The following KIF5B variants were observed in gnomAD, a reference collection of about 807,000 sequenced individuals.
KIF5B encodes the protein kinesin-1 heavy chain.
A neutral mutation model predicts 132.8 loss-of-function variants in KIF5B; 49 were observed. The ratio of observed to expected loss-of-function variants is 0.37; its 90% CI spans 0.29 to 0.47. KIF5B has a LOEUF of 0.47. Ranked by LOEUF, KIF5B falls within the 20% of genes least tolerant of loss-of-function variation. KIF5B has a pLI of 1.00. For missense variants in KIF5B, 780 were observed against 1,144.0 expected (o/e 0.68, Z 4.59); for synonymous variants, 355 against 369.4 (o/e 0.96, Z 0.45).
At position 32,010,998 on chromosome 10, in the gene KIF5B, T is replaced by C. The variant is rs939466058; in HGVS notation, c.*539A>G. ...ATCATCATTTCAAGGGATTTTAAAA[T>C]ACAGTACTGACTGGATATATTTTAT... On this transcript the variant is annotated 3_prime_UTR_variant, in exon 26 of 26. Transcript: ENST00000302418. The C allele has an allele frequency of 2.0e-5, 3 of 152,114 alleles. No homozygotes were observed. The highest frequency in any genetic ancestry group is 4.8e-5 in the African/African-American group (2 of 41,428). 9.4% of individuals were successfully genotyped at this position (152,114 alleles called of 1,614,324 possible). A position where few individuals can be genotyped will look rare whatever the true frequency, so the allele number is the denominator to read the frequency against.
chr10:32,049,985 T>C (rs1195754945), intron 1 of KIF5B, among the ~76,000 whole-genome samples: 2 of 152,066 alleles, frequency 1.3e-5, no homozygotes, highest in African/African-American at 2.4e-5. Flanking sequence ...GCAGGAACAA[T>C]TTTAATAATC....
intron 12 of KIF5B, among the ~76,000 whole-genome samples, chr10:32,033,142 A>T (rs965885632): frequency 6.6e-6 from 1 of 152,294 alleles, no homozygotes; most frequent in African/African-American, 2.4e-5. Flanking sequence ...AAGCAGGAAG[A>T]TATTATTTCC....
intron 13 of KIF5B, 130 bp downstream of exon 13, chr10:32,032,576 T>C (rs1445380910): frequency 4.2e-6 from 3 of 714,586 alleles, no homozygotes; most frequent in Non-Finnish European, 2.5e-6. Context: ...ACTTTATCCA[T>C]GTGACATTCT....
intron 15 of KIF5B, among the ~76,000 whole-genome samples, chr10:32,026,791 T>C (rs758442748): frequency 6.6e-6 from 1 of 152,216 alleles, no homozygotes; most frequent in Non-Finnish European, 1.5e-5. Context: ...TGTTCTGCGA[T>C]ATGAAATAAA....
intron 23 of KIF5B, among the ~76,000 whole-genome samples, 158 bp from the exon 24 acceptor site, chr10:32,017,517 T>C (rs1346142621): frequency 6.6e-6 from 1 of 152,278 alleles, no homozygotes; most frequent in African/African-American, 2.4e-5. Flanking sequence ...TACATCCATC[T>C]ATACATAGCG....
chr10:32,021,877 CAGG>C (rs1032945718), intron 17 of KIF5B, among the ~76,000 whole-genome samples: 1 of 152,018 alleles, frequency 6.6e-6, no homozygotes, highest in African/African-American at 2.4e-5. Flanking sequence ...GAGGCTGCAG[CAGG>C]AGAATCACTG....
At chr10:32,055,351 T>C (rs189932193) in intron 1 of KIF5B, among the ~76,000 whole-genome samples, 49 of 152,304 alleles carry the variant, frequency 3.2e-4, no homozygotes, top group Non-Finnish European at 5.1e-4. Context: ...AGGGAAACAA[T>C]ACGGTTCAAG....
rs1296239943 is a variant in KIF5B at position 32,056,278 on chromosome 10, C to T, written c.-305G>A. Reference sequence around the variant, plus strand: ...CCCCCTTTACGGTCTGGGCGGACTGCGGGGGCTGGGGAGGTTCTGGGGACC... The same window carrying T: ...CCCCCTTTACGGTCTGGGCGGACTGTGGGGGCTGGGGAGGTTCTGGGGACC... On this transcript the variant is annotated 5_prime_UTR_variant, in exon 1 of 26. Coordinates refer to ENST00000302418, the MANE Select transcript of KIF5B (RefSeq NM_004521.3). 7.5e-5 allele frequency: 26 copies of T among 344,552 alleles called. No homozygotes were observed. Among genetic ancestry groups the T allele is most frequent in the Non-Finnish European group, 1.3e-4 (25 of 187,892 alleles). The allele number at this position is 344,552 out of a possible 1,614,324, so 21.3% of individuals were successfully genotyped here.
Position 32,055,869 on chromosome 10 carries a change from T to C in KIF5B, c.105A>G (p.Gly35=), listed in dbSNP as rs757219106. 16 of 1,612,776 alleles carry C rather than the reference T, an allele frequency of 9.9e-6. No homozygotes were observed. Among genetic ancestry groups the C allele is most frequent in the Non-Finnish European group, 1.3e-5 (15 of 1,179,854 alleles). Residue 35 remains glycine (G), a synonymous_variant, in exon 1 of 26, where the codon GGA becomes GGG. Coordinates refer to ENST00000302418, the MANE Select transcript of KIF5B (RefSeq NM_004521.3). ...RGDKYIAKFQ[G]EDTVVIASKP... ...TCACCGCGATCACGACCGTGTCTTC[T>C]CCCTGAAACTTGGCGATGTACTTGT...
intron 12 of KIF5B, 26 bp from the exon 13 acceptor site, chr10:32,032,800 C>A: frequency 1.3e-6 from 2 of 1,584,866 alleles, no homozygotes; most frequent in Non-Finnish European, 1.7e-6. Flanking sequence ...ATCCGGTTAA[C>A]CAGTAGCTAA....
In KIF5B at chr10:32,031,247, A is replaced by G. The variant is rs772373155; in HGVS notation, c.1407T>C (p.Asn469=). 3 of 1,613,962 alleles carry G rather than the reference A, an allele frequency of 1.9e-6. No individual in the cohort carries two copies. The highest frequency in any genetic ancestry group is 2.2e-5 in the South Asian group (2 of 91,084). The part of the protein sequence containing the change: ...LLASTRRDQD[N]MQAELNRLQA... The stretch of plus-strand genomic sequence containing the variant: ...GAAGGCGATTCAGCTCAGCTTGCAT[A>G]TTGTCTTGATCCCTTCTGGTAGATG... Residue 469 remains asparagine, a synonymous_variant, in exon 14 of 26, where the codon AAT becomes AAC. Coordinates refer to ENST00000302418, the MANE Select transcript of KIF5B (RefSeq NM_004521.3).
At chr10:32,031,423 A>C in intron 13 of KIF5B, 144 bp from the exon 14 acceptor site, 4 of 661,996 alleles carry the variant, frequency 6.0e-6, no homozygotes, top group Non-Finnish European at 1.0e-5. Context: ...AAACAGATTT[A>C]CTAAATGTCA....
At chr10:32,021,607 A>C (rs551157109) in intron 17 of KIF5B, among the ~76,000 whole-genome samples, 81 of 148,338 alleles carry the variant, frequency 5.5e-4, no homozygotes, top group African/African-American at 1.5e-3. Flanking sequence ...ACACACACAC[A>C]CCCCGCTTCG....
intron 3 of KIF5B, 120 bp from the exon 4 acceptor site, chr10:32,039,551 G>A: frequency 1.7e-6 from 1 of 590,892 alleles, no homozygotes; most frequent in Non-Finnish European, 3.0e-6. Flanking sequence ...TGTGGAAACG[G>A]CTCTGTAAAT....
chr10:32,018,584 TA>T (rs1159690697), intron 20 of KIF5B, 22 bp from the exon 21 acceptor site: 1 of 1,530,696 alleles, frequency 6.5e-7, no homozygotes, highest in Non-Finnish European at 8.8e-7. Context: ...AGAACAAACA[TA>T]TATTTTCAAA....
At chr10:32,039,535 T>C (rs1841505208) in intron 3 of KIF5B, 104 bp from the exon 4 acceptor site, 2 of 635,200 alleles carry the variant, frequency 3.1e-6, no homozygotes, top group Non-Finnish European at 5.4e-6. Flanking sequence ...ACAGGAACTA[T>C]ATTTTTGTGG....
intron 14 of KIF5B, among the ~76,000 whole-genome samples, chr10:32,029,915 G>GT (rs1426046193): frequency 1.3e-5 from 2 of 152,170 alleles, no homozygotes; most frequent in African/African-American, 4.8e-5. Context: ...CAAGCTAACT[G>GT]TAACTTTGTA....
intron 1 of KIF5B, among the ~76,000 whole-genome samples, chr10:32,049,916 T>A (rs1170101070): frequency 6.7e-6 from 1 of 149,068 alleles, no homozygotes; most frequent in Non-Finnish European, 1.5e-5. Context: ...ATCTGCTGTA[T>A]GTCTAAGAAA....
intron 15 of KIF5B, among the ~76,000 whole-genome samples, chr10:32,023,994 G>GT (rs1221706596): frequency 7.0e-6 from 1 of 143,880 alleles, no homozygotes; most frequent in African/African-American, 2.6e-5. Context: ...GTAAAACTTG[G>GT]TAAGTTGGAC....
Sources: gnomAD v4.1 joint callset for allele counts (sites outside exome capture counted in the v4.1 genomes callset) on GRCh38, gnomAD v4.1.1 for gene constraint, MANE v1.5 for transcripts, NCBI Gene and HGNC (gene_info 2026-07-23, HGNC 2026-07-21) for gene names.